Variants in RNF150 observed in about 807,000 individuals in gnomAD.
RNF150 encodes the protein ring finger protein 150.
In RNF150, 24 loss-of-function variants were observed where a neutral mutation model predicts 39.3. The ratio of observed to expected loss-of-function variants is 0.61; its 90% CI spans 0.44 to 0.86. The LOEUF is 0.86. Ranked by LOEUF, RNF150 falls within the 40% of genes least tolerant of loss-of-function variation. The pLI is 0.00. For missense variants in RNF150, 502 were observed against 587.8 expected, an observed-to-expected ratio of 0.85 and a Z score of 1.51; for synonymous variants, 255 against 227.3, an observed-to-expected ratio of 1.12 and a Z score of -1.10.
At chr4:141,205,592 A>G (rs1248324736) in intron 1 of RNF150, among the ~76,000 whole-genome samples, 15 of 152,186 alleles carry the variant, frequency 9.9e-5, no homozygotes, top group Non-Finnish European at 8.8e-5. Context: ...ATGAGTGGGT[A>G]TTCATTATGA....
intron 1 of RNF150, among the ~76,000 whole-genome samples, chr4:141,176,908 C>T (rs1401225775): frequency 3.9e-5 from 6 of 152,046 alleles, no homozygotes; most frequent in African/African-American, 4.8e-5. Context: ...AGGAAGATTA[C>T]AATGCTCACT....
At chr4:141,179,897 G>A (rs2859831) in intron 1 of RNF150, among the ~76,000 whole-genome samples, 83,598 of 152,026 alleles carry the variant, frequency 0.55, 23,620 homozygotes, top group East Asian at 0.81. Flanking sequence ...ATACTTTAGC[G>A]TTCTCTATCC....
intron 1 of RNF150, among the ~76,000 whole-genome samples, chr4:140,993,519 C>T (rs952565703): frequency 6.6e-6 from 1 of 152,192 alleles, no homozygotes; most frequent in African/African-American, 2.4e-5. Context: ...AAAGTAGCAG[C>T]GAGAGACATT....
At chr4:141,168,691 G>A (rs912651882) in intron 1 of RNF150, among the ~76,000 whole-genome samples, 3 of 152,014 alleles carry the variant, frequency 2.0e-5, no homozygotes, top group Non-Finnish European at 4.4e-5. Flanking sequence ...AACTAACACA[G>A]GAACAGAAAA....
rs200703716 is a variant in RNF150, at chr4:141,045,605, G to A, written c.485-77732C>T. 5.9e-5 allele frequency among the ~76,000 whole-genome samples: 9 copies of A among 152,044 alleles called. No individual in the cohort carries two copies. The East Asian group carries it at 1.4e-3, about 23-fold the overall frequency. ...GTTGCCCAGGCTGGAATGCAGTGGC[G>A]TGATCTCGGCTCACTGAAACCTCCG... On this transcript the variant is annotated intron_variant, in intron 1 of 6. Transcript: ENST00000515673.
chr4:141,053,521 AT>A (rs1736856804), intron 1 of RNF150: 1 of 427,372 alleles, frequency 2.3e-6, no homozygotes, highest in African/African-American at 2.0e-5. Context: ...GAAAACAAGC[AT>A]TTAGGCAGGG....
At chr4:140,947,554 G>T in intron 4 of RNF150, 100 bp downstream of exon 4, 1 of 791,838 alleles carries the variant, frequency 1.3e-6, no homozygotes, top group Non-Finnish European at 2.2e-6. Flanking sequence ...GAGGCAGACT[G>T]ACCTGGCAGC....
Position 141,097,544 on chromosome 4 carries a change from A to C in RNF150, c.484+34781T>G, listed in dbSNP as rs781382158. On this transcript the variant is annotated intron_variant, in intron 1 of 6. Coordinates refer to ENST00000515673, the MANE Select transcript of RNF150 (RefSeq NM_020724.2). ...ACATCAAATAATGGTGGGCCTTAAA[A>C]TTTATGGTAATTTTGATTCCATGAG... Among the ~76,000 whole-genome samples the C allele has an allele frequency of 3.5e-4, 53 of 152,192 alleles. 1 individual carries two copies. Among genetic ancestry groups the C allele is most frequent in the South Asian group, 1.0e-3 (5 of 4,822 alleles).
chr4:140,959,120 T>C (rs1732908081), intron 2 of RNF150, among the ~76,000 whole-genome samples: 2 of 152,074 alleles, frequency 1.3e-5, no homozygotes, highest in Non-Finnish European at 2.9e-5. Context: ...CTCCACATGG[T>C]CCTATGTACT....
intron 1 of RNF150, among the ~76,000 whole-genome samples, chr4:141,066,241 G>GAAAAA (rs34239483): frequency 6.8e-6 from 1 of 146,352 alleles, no homozygotes. Context: ...GTATATGTGC[G>GAAAAA]AAAAAAAAAA....
At chr4:141,138,922 T>C (rs1578762503) in intron 1 of RNF150, among the ~76,000 whole-genome samples, 1 of 152,170 alleles carries the variant, frequency 6.6e-6, no homozygotes, top group African/African-American at 2.4e-5. Context: ...GAAAGTCAAT[T>C]TAGGCTGGGT....
chr4:140,929,567 C>T (rs112716384), intron 4 of RNF150, among the ~76,000 whole-genome samples: 14 of 151,656 alleles, frequency 9.2e-5, no homozygotes, highest in Non-Finnish European at 1.8e-4. Context: ...GGGGTTTCAT[C>T]GTGTTGGCCA....
At chr4:141,071,483 A>G (rs1209444131) in intron 1 of RNF150, among the ~76,000 whole-genome samples, 1 of 152,102 alleles carries the variant, frequency 6.6e-6, no homozygotes, top group Non-Finnish European at 1.5e-5. Flanking sequence ...AAAAAAGGAA[A>G]TAGGAAGAAA....
intron 5 of RNF150, among the ~76,000 whole-genome samples, chr4:140,914,561 T>C (rs1730741053): frequency 6.6e-6 from 1 of 152,194 alleles, no homozygotes; most frequent in African/African-American, 2.4e-5. Context: ...ATGAGGATAA[T>C]AGTGATAGGA....
intron 6 of RNF150, among the ~76,000 whole-genome samples, chr4:140,896,697 AAAAC>A (rs1371974698): frequency 0.018 from 1,487 of 82,368 alleles, 40 homozygotes; most frequent in African/African-American, 0.047. Context: ...TAAAAAAAAA[AAAAC>A]AAAAAAACAA....
rs553463872 is a variant in RNF150 at position 141,073,557 on chromosome 4, C to T, written c.484+58768G>A. ...TGGAAAGAGGAAGGACTATGTCATT[C>T]GCTATTACTTACTACTCACAATACT... On this transcript the variant is annotated intron_variant, in intron 1 of 6. Transcript: ENST00000515673. Among the ~76,000 whole-genome samples, 11 of 152,140 alleles carry T rather than the reference C, an allele frequency of 7.2e-5. No individual in the cohort carries two copies. The East Asian group carries it at 1.4e-3, about 19-fold the overall frequency.
rs114469474 is a variant in RNF150 at position 140,914,898 on chromosome 4, C to T, written c.988-3544G>A. On this transcript the variant is annotated intron_variant, in intron 5 of 6. Transcript: ENST00000515673. Reference sequence around the variant, plus strand: ...AACAACATCCTCAGTTTCTGACTTTCGATGTATTTGTCTTATACCATGGGT... The same window carrying T: ...AACAACATCCTCAGTTTCTGACTTTTGATGTATTTGTCTTATACCATGGGT... 9.5e-3 allele frequency among the ~76,000 whole-genome samples: 1,449 copies of T among 152,116 alleles called. 29 individuals carry two copies. Among genetic ancestry groups the T allele is most frequent in the African/African-American group, 0.032 (1,319 of 41,500 alleles).
chr4:140,861,063 C>A lies in RNF150; in HGVS notation c.*7198G>T, dbSNP rs1728472495. 1 of 152,160 alleles carries A rather than the reference C, an allele frequency of 6.6e-6. No individual in the cohort carries two copies. Among genetic ancestry groups the A allele is most frequent in the Admixed American group, 6.5e-5 (1 of 15,268 alleles). The allele number at this position is 152,160 out of a possible 1,614,324, so 9.4% of individuals were successfully genotyped here. ...TAACAGTCCCTCCCCACTCCCACCC[C>A]TACATCTCCTTCTAATTATAAAATG... On this transcript the variant is annotated 3_prime_UTR_variant, in exon 7 of 7. Coordinates refer to ENST00000515673, the MANE Select transcript of RNF150 (RefSeq NM_020724.2).
At chr4:140,964,364 A>G (rs183995844) in intron 2 of RNF150, among the ~76,000 whole-genome samples, 1 of 145,652 alleles carries the variant, frequency 6.9e-6, no homozygotes, top group Non-Finnish European at 1.5e-5. Flanking sequence ...GTATCTATTA[A>G]GGTGAAAGTA....
Sources: allele counts gnomAD v4.1 joint callset (sites outside exome capture counted in the v4.1 genomes callset), GRCh38; gene constraint gnomAD v4.1.1; transcripts MANE v1.5; gene names NCBI Gene and HGNC (gene_info 2026-07-23, HGNC 2026-07-21).